ASH1L: variants seen among roughly 807,000 people sequenced by gnomAD.
ASH1L encodes the protein histone-lysine N-methyltransferase ASH1L.
ASH1L carries 23 observed loss-of-function variants against 269.0 expected under a neutral mutation model. That is an observed-to-expected ratio of 0.09 (90% confidence interval 0.06 to 0.12). The LOEUF (loss-of-function observed/expected upper bound fraction) is 0.12. Ranked by LOEUF, ASH1L falls within the 10% of genes least tolerant of loss-of-function variation. The pLI is 1.00. For missense variants in ASH1L, 2,912 were observed against 3,567.8 expected (o/e 0.82, Z 4.68); for synonymous variants, 1,187 against 1,253.5 (o/e 0.95, Z 1.12).
At chr1:155,367,938 A>G (rs1177824365) in intron 12 of ASH1L, among the ~76,000 whole-genome samples, 1 of 152,158 alleles carries the variant, frequency 6.6e-6, no homozygotes, top group Non-Finnish European at 1.5e-5. Context: ...AGATTTTAGA[A>G]GAAGGTAATG....
chr1:155,510,851 C>T (rs1201203817), intron 2 of ASH1L, among the ~76,000 whole-genome samples: 2 of 151,850 alleles, frequency 1.3e-5, no homozygotes, highest in Non-Finnish European at 2.9e-5. Flanking sequence ...ATGGAAGCCA[C>T]AGTAAACATA....
chr1:155,408,755 T>C (rs1003339331), intron 6 of ASH1L, among the ~76,000 whole-genome samples: 19 of 151,988 alleles, frequency 1.3e-4, no homozygotes, highest in African/African-American at 4.6e-4. Context: ...CATGATAGCT[T>C]ATGCCTCCTA....
intron 12 of ASH1L, among the ~76,000 whole-genome samples, chr1:155,366,414 C>G (rs1655424740): frequency 6.6e-6 from 1 of 152,144 alleles, no homozygotes. Flanking sequence ...GATGGGCAAC[C>G]AGCAGCCCTC....
At chr1:155,461,993 T>A (rs1195373069) in intron 3 of ASH1L, among the ~76,000 whole-genome samples, 1 of 151,960 alleles carries the variant, frequency 6.6e-6, no homozygotes, top group Non-Finnish European at 1.5e-5. Context: ...AGAGACGGGG[T>A]TCCATCATGT....
At chr1:155,404,898 C>T (rs1238394035) in intron 6 of ASH1L, among the ~76,000 whole-genome samples, 3 of 151,452 alleles carry the variant, frequency 2.0e-5, no homozygotes, top group Non-Finnish European at 2.9e-5. Context: ...TGTGGTGGTG[C>T]GTGCCTGTGG....
intron 1 of ASH1L, among the ~76,000 whole-genome samples, chr1:155,544,099 T>C (rs1402605445): frequency 6.6e-6 from 1 of 151,994 alleles, no homozygotes; most frequent in Non-Finnish European, 1.5e-5. Context: ...AAGGGGTGTC[T>C]CACTATGTTG....
chr1:155,350,817 A>C (rs922066200), intron 17 of ASH1L, among the ~76,000 whole-genome samples: 3 of 151,680 alleles, frequency 2.0e-5, no homozygotes, highest in African/African-American at 4.8e-5. Flanking sequence ...GCTACTCGGC[A>C]GGCTGAGGCA....
At chr1:155,477,352 T>C (rs80213580) in intron 3 of ASH1L, among the ~76,000 whole-genome samples, 2,495 of 152,340 alleles carry the variant, frequency 0.016, 22 homozygotes, top group Middle Eastern at 0.051. Flanking sequence ...TCTGTCTGAA[T>C]GAATATTCAG....
rs1665872845 is a variant in ASH1L, at chr1:155,480,489, G to C, written c.2381C>G (p.Ala794Gly). The change falls in exon 3 of 28, where the codon GCT (alanine) becomes GGT (glycine). Residue 794 changes from alanine (A) to glycine (G), a missense_variant. By Grantham distance (60) the Ala-to-Gly change is moderately conservative. Transcript: ENST00000392403. ...CTTATGAGATGGTTTTTCACTATCA[G>C]CTAAGAGAGCAAGAGATGGAGCTGT... ...KSTAPSLALL[A>G]DSEKPSHKSF... is the part of the protein sequence containing the mutation. The C allele has an allele frequency of 3.1e-6, 5 of 1,614,072 alleles. No homozygotes were observed. In the East Asian group the frequency reaches 1.1e-4, roughly 36 times the overall value.
At chr1:155,553,548 G>A (rs1671358113) in intron 1 of ASH1L, among the ~76,000 whole-genome samples, 1 of 152,086 alleles carries the variant, frequency 6.6e-6, no homozygotes, top group Non-Finnish European at 1.5e-5. Flanking sequence ...ACGTTCATAC[G>A]TTTGCAGATG....
intron 2 of ASH1L, among the ~76,000 whole-genome samples, chr1:155,497,332 C>A (rs1301560629): frequency 6.6e-6 from 1 of 152,114 alleles, no homozygotes. Context: ...GATTCTTGAA[C>A]AACAAAAGTT....
chr1:155,337,659 G>A lies in ASH1L; in HGVS notation c.*1C>T. On this transcript the variant is annotated 3_prime_UTR_variant, in exon 28 of 28. Coordinates refer to ENST00000392403, the MANE Select transcript of ASH1L (RefSeq NM_018489.3). ...TGCTTGAGGTTCTCATTCTTTGAGG[G>A]TCACTTTCGAAAGCTGTTTTCTGGG... 1 of 1,612,818 alleles carries A rather than the reference G, an allele frequency of 6.2e-7. No homozygotes were observed. The highest frequency in any genetic ancestry group is 8.5e-7 in the Non-Finnish European group (1 of 1,178,926).
At chr1:155,524,591 G>A (rs1669112195) in intron 1 of ASH1L, among the ~76,000 whole-genome samples, 1 of 151,490 alleles carries the variant, frequency 6.6e-6, no homozygotes, top group Admixed American at 6.6e-5. Flanking sequence ...CCAGCACTTT[G>A]GGAGACTAAA....
intron 1 of ASH1L, among the ~76,000 whole-genome samples, chr1:155,525,705 C>A (rs763531900): frequency 1.2e-4 from 19 of 152,196 alleles, no homozygotes; most frequent in Non-Finnish European, 2.6e-4. Flanking sequence ...CCTGATCCAT[C>A]CCTGAATATT....
intron 1 of ASH1L, among the ~76,000 whole-genome samples, chr1:155,542,491 G>T (rs929917861): frequency 6.6e-6 from 1 of 151,744 alleles, no homozygotes; most frequent in Non-Finnish European, 1.5e-5. Flanking sequence ...GGAGCTTGCA[G>T]TGAGCCCAGG....
chr1:155,415,734 T>C lies in ASH1L; in HGVS notation c.6008+10A>G. On this transcript the variant is annotated intron_variant, in intron 6 of 27. Coordinates refer to ENST00000392403, the MANE Select transcript of ASH1L (RefSeq NM_018489.3). ...AAAAGGGATGTTAGCTAATAGGTAC[T>C]ACTACTTACTCTGTAGTTTTGTAAA... The C allele has an allele frequency of 6.2e-7, 1 of 1,612,352 alleles. No homozygotes were observed. Among genetic ancestry groups the C allele is most frequent in the South Asian group, 1.1e-5 (1 of 90,738 alleles).
intron 2 of ASH1L, among the ~76,000 whole-genome samples, chr1:155,495,441 A>T (rs1667081206): frequency 6.6e-6 from 1 of 152,318 alleles, no homozygotes; most frequent in East Asian, 1.9e-4. Context: ...TGCAAAAAAA[A>T]TAGGATTTTT....
intron 16 of ASH1L, 137 bp from the exon 17 acceptor site, chr1:155,352,995 T>C: frequency 2.7e-6 from 2 of 740,788 alleles, no homozygotes; most frequent in Non-Finnish European, 4.2e-6. Flanking sequence ...GAGTTCTTTC[T>C]ATCTTCTGTA....
Position 155,337,545 on chromosome 1 carries a change from C to A in ASH1L, c.*115G>T, listed in dbSNP as rs572437041. 74 of 806,122 alleles carry A rather than the reference C, an allele frequency of 9.2e-5. No homozygotes were observed. In the South Asian group the frequency reaches 1.1e-3, roughly 12 times the overall value. The allele number at this position is 806,122 out of a possible 1,614,324, so 49.9% of individuals were successfully genotyped here. ...AGTACCTAATGTCAACAACATGGCC[C>A]CATTCCCCTTGCCCAGATGGACCCT... On this transcript the variant is annotated 3_prime_UTR_variant, in exon 28 of 28. Transcript: ENST00000392403.
Sources: allele counts gnomAD v4.1 joint callset (sites outside exome capture counted in the v4.1 genomes callset), GRCh38; gene constraint gnomAD v4.1.1; transcripts MANE v1.5; gene names NCBI Gene and HGNC (gene_info 2026-07-23, HGNC 2026-07-21).